PAOX: variants seen among roughly 807,000 people sequenced by gnomAD.
PAOX encodes the protein polyamine oxidase.
A neutral mutation model predicts 39.0 loss-of-function variants in PAOX; 38 were observed. The observed-to-expected ratio is 0.97, with a 90% CI of 0.75 to 1.28. The LOEUF (loss-of-function observed/expected upper bound fraction) is 1.28. Among genes scored for constraint, PAOX ranks in the 50% most tolerant of loss-of-function variants. PAOX has a pLI of 0.00. For missense variants in PAOX, 667 were observed against 685.7 expected, an observed-to-expected ratio of 0.97 and a Z score of 0.30; for synonymous variants, 311 against 314.4, an observed-to-expected ratio of 0.99 and a Z score of 0.11.
chr10:133,387,353 A>T (rs1201733987), intron 4 of PAOX, among the ~76,000 whole-genome samples: 4 of 152,212 alleles, frequency 2.6e-5, no homozygotes, highest in African/African-American at 4.8e-5. Context: ...CAATATAAAA[A>T]ATCAAATTTA....
chr10:133,387,653 G>A (rs999751450), intron 4 of PAOX, among the ~76,000 whole-genome samples: 3 of 152,242 alleles, frequency 2.0e-5, no homozygotes, highest in Admixed American at 6.5e-5. Context: ...TGTGCTAGGT[G>A]AGTCCTCCAC....
intron 3 of PAOX, among the ~76,000 whole-genome samples, chr10:133,382,311 C>A (rs759120955): frequency 6.6e-6 from 1 of 150,906 alleles, no homozygotes; most frequent in South Asian, 2.1e-4. Flanking sequence ...ACAAAGCTAG[C>A]GATTGCCAGC....
chr10:133,381,955 A>G (rs989671967), intron 3 of PAOX, among the ~76,000 whole-genome samples: 9 of 149,774 alleles, frequency 6.0e-5, no homozygotes, highest in Non-Finnish European at 8.9e-5. Flanking sequence ...TGCTGCAGAC[A>G]GGAAAAGGCA....
Position 133,384,349 on chromosome 10 carries a change from C to CA in PAOX, c.1121+138dup. 7.4e-7 allele frequency: 1 copy of CA among 1,358,862 alleles called. No homozygotes were observed. The highest frequency in any genetic ancestry group is 1.0e-6 in the Non-Finnish European group (1 of 1,000,568). The allele number at this position is 1,358,862 out of a possible 1,614,324, so 84.2% of individuals were successfully genotyped here. On this transcript the variant is annotated intron_variant, in intron 4 of 6. Transcript: ENST00000278060. This position sits in a 1 kb window ranked among gnomAD's most constrained non-coding sequence, Gnocchi z 4.3. The stretch of plus-strand genomic sequence containing the variant: ...GGTAGGGTTCCCATGAGCGCCCCCC[C>CA]ACCAGGTGCTGGCTGCACCTGGGCC...
chr10:133,388,378 T>C lies in PAOX; in HGVS notation c.1122-578T>C, dbSNP rs570531294. On this transcript the variant is annotated intron_variant, in intron 4 of 6. Coordinates refer to ENST00000278060, the MANE Select transcript of PAOX (RefSeq NM_152911.4). The stretch of plus-strand genomic sequence containing the variant: ...CTTGAAAGGGAAAACATGTGCTGTC[T>C]GCTTTTCTGTTCCTGTGTTAGTTTG... Among the ~76,000 whole-genome samples the C allele has an allele frequency of 3.3e-5, 5 of 152,368 alleles. No homozygotes were observed. In the South Asian group the frequency reaches 1.0e-3, roughly 32 times the overall value.
Position 133,384,467 on chromosome 10 carries a change from C to T in PAOX, c.1121+255C>T, listed in dbSNP as rs1849483263. Reference sequence around the variant, plus strand: ...GTGTTTGTAGACTTGCAGGCAGGCTCAGTCTTCAGTCAGTGGGAACGTGTT... The same window carrying T: ...GTGTTTGTAGACTTGCAGGCAGGCTTAGTCTTCAGTCAGTGGGAACGTGTT... On this transcript the variant is annotated intron_variant, in intron 4 of 6. Coordinates refer to ENST00000278060, the MANE Select transcript of PAOX (RefSeq NM_152911.4). This position sits in a 1 kb window ranked among gnomAD's most constrained non-coding sequence, Gnocchi z 4.3. Among the ~76,000 whole-genome samples, 1 of 152,156 alleles carries T rather than the reference C, an allele frequency of 6.6e-6. No homozygotes were observed. Among genetic ancestry groups the T allele is most frequent in the African/African-American group, 2.4e-5 (1 of 41,436 alleles).
At chr10:133,383,785 G>A (rs546981278) in intron 3 of PAOX, among the ~76,000 whole-genome samples, 175 bp from the exon 4 acceptor site, 1 of 152,254 alleles carries the variant, frequency 6.6e-6, no homozygotes, top group South Asian at 2.1e-4. Flanking sequence ...CTCTAGCCTG[G>A]GCAACAGAGC....
At chr10:133,388,221 T>G (rs2133474391) in intron 4 of PAOX, among the ~76,000 whole-genome samples, 1 of 152,316 alleles carries the variant, frequency 6.6e-6, no homozygotes, top group Non-Finnish European at 1.5e-5. Context: ...CATGGGGGCT[T>G]GTTGTACAGA....
Position 133,389,738 on chromosome 10 carries a change from C to A in PAOX, c.1383C>A (p.Ala461=). The A allele has an allele frequency of 6.5e-7, 1 of 1,542,276 alleles. No individual in the cohort carries two copies. Among genetic ancestry groups the A allele is most frequent in the South Asian group, 1.2e-5 (1 of 85,126 alleles). Residue 461 remains alanine, a synonymous_variant, in exon 6 of 7, where the codon GCC becomes GCA. Transcript: ENST00000278060. ...CTCAGCCCCTCCCTGCAGACGGCGC[C>A]GGCGCCCAGGTATGTGGCGTGCCCC... is the stretch of plus-strand genomic sequence containing the variant. ...LLAQPLPADG[A]GAQLQILFAG...
chr10:133,379,493 C>T lies in PAOX; in HGVS notation c.177C>T (p.Cys59=), dbSNP rs1466893022. The T allele has an allele frequency of 3.6e-5, 44 of 1,225,734 alleles. No homozygotes were observed. The highest frequency in any genetic ancestry group is 4.4e-5 in the Non-Finnish European group (43 of 984,174). 75.9% of individuals were successfully genotyped at this position (1,225,734 alleles called of 1,614,324 possible). ...RAGGRIRSER[C]FGGVVEVGAH... ...GGGGCCGCATCCGCTCGGAGCGCTG[C>T]TTCGGTAACCGCCCCTCCCGGAGCC... is the stretch of plus-strand genomic sequence containing the variant. Residue 59 remains cysteine, a synonymous_variant, in exon 1 of 7, where the codon TGC becomes TGT. Transcript: ENST00000278060.
chr10:133,380,262 G>C lies in PAOX; in HGVS notation c.445G>C (p.Glu149Gln). Residue 149 changes from glutamate to glutamine, a missense_variant, in exon 2 of 7, where the codon GAG becomes CAG. Transcript: ENST00000278060. ...GACCCGGGAGTTCCTGCACGCTGCA[G>C]AGACCCCGGTGCCCAGCGTCGGGGA... ...DQTREFLHAAETPVPSVGEYL... is the reference protein window; with the variant it reads ...DQTREFLHAAQTPVPSVGEYL... The C allele has an allele frequency of 6.2e-7, 1 of 1,612,920 alleles. No individual in the cohort carries two copies. Among genetic ancestry groups the C allele is most frequent in the Middle Eastern group, 1.7e-4 (1 of 6,058 alleles).
intron 4 of PAOX, among the ~76,000 whole-genome samples, chr10:133,387,652 T>C (rs7921024): frequency 0.99 from 150,421 of 152,394 alleles, 74,263 homozygotes; most frequent in Middle Eastern, 1. Context: ...GTGTGCTAGG[T>C]GAGTCCTCCA....
intron 2 of PAOX, among the ~76,000 whole-genome samples, chr10:133,381,117 C>T (rs1298958509): frequency 6.6e-6 from 1 of 152,256 alleles, no homozygotes; most frequent in African/African-American, 2.4e-5. Flanking sequence ...AGACCCTCCT[C>T]GGGCTGTCCC....
Position 133,381,646 on chromosome 10 carries a change from C to T in PAOX, c.855C>T (p.Val285=). ...GGTTCCCGGCGCACCATGTCATCGT[C>T]ACCGTGCCCTTAGGTAGGTCAGGTT... The part of the protein sequence containing the change: ...GDRFPAHHVI[V]TVPLGFLREH... Residue 285 remains valine, a synonymous_variant, in exon 3 of 7, where the codon GTC becomes GTT. Transcript: ENST00000278060. 1.2e-6 allele frequency: 2 copies of T among 1,613,148 alleles called. No individual in the cohort carries two copies. Among genetic ancestry groups the T allele is most frequent in the South Asian group, 1.1e-5 (1 of 91,084 alleles).
At chr10:133,388,507 G>C (rs898857365) in intron 4 of PAOX, among the ~76,000 whole-genome samples, 9 of 152,242 alleles carry the variant, frequency 5.9e-5, no homozygotes, top group Non-Finnish European at 1.3e-4. Flanking sequence ...ATGTGCAGTG[G>C]TGGGAACGCC....
chr10:133,389,855 A>C (rs1335958887), intron 6 of PAOX, 108 bp downstream of exon 6: 1 of 1,202,294 alleles, frequency 8.3e-7, no homozygotes, highest in Non-Finnish European at 1.1e-6. Flanking sequence ...GGGATCCCAG[A>C]CTCGGAAGCC....
chr10:133,390,007 C>T (rs182103014), intron 6 of PAOX, among the ~76,000 whole-genome samples: 106 of 152,280 alleles, frequency 7.0e-4, no homozygotes, highest in African/African-American at 2.5e-3. Flanking sequence ...CCCTTTTGCC[C>T]TTCTCAGACG....
At chr10:133,382,437 A>G (rs530395030) in intron 3 of PAOX, among the ~76,000 whole-genome samples, 1 of 152,286 alleles carries the variant, frequency 6.6e-6, no homozygotes, top group South Asian at 2.1e-4. Context: ...AGGGATGAGC[A>G]CTGAGACCCC....
chr10:133,379,916 G>A (rs1389462973), intron 1 of PAOX, 83 bp from the exon 2 acceptor site: 2 of 1,481,350 alleles, frequency 1.4e-6, no homozygotes, highest in South Asian at 1.4e-5. Context: ...GGGAAGGCCA[G>A]CGTGGGCGTG....
Sources: gnomAD v4.1 joint callset for allele counts (sites outside exome capture counted in the v4.1 genomes callset) on GRCh38, gnomAD v4.1.1 for gene constraint, Gnocchi (gnomAD v3.1) non-coding constraint, MANE v1.5 for transcripts, NCBI Gene and HGNC (gene_info 2026-07-23, HGNC 2026-07-21) for gene names.